Variants in PGBD2 observed in about 807,000 individuals in gnomAD.
The protein encoded by PGBD2 is piggyBac transposable element-derived protein 2.
In PGBD2, 6 loss-of-function variants were observed where a neutral mutation model predicts 8.1. The observed-to-expected ratio is 0.74, with a 90% CI of 0.40 to 1.46. The LOEUF (loss-of-function observed/expected upper bound fraction) is 1.46. Among genes scored for constraint, PGBD2 ranks in the 40% most tolerant of loss-of-function variants. The pLI, the probability that PGBD2 is intolerant of heterozygous loss-of-function variation, is 0.02. For synonymous variants in PGBD2, 318 were observed against 272.2 expected, an observed-to-expected ratio of 1.17 and a Z score of -1.66; for missense variants, 802 against 739.0, an observed-to-expected ratio of 1.09 and a Z score of -0.99.
chr1:248,928,795 ACTT>A, the PGBD2 span, among the ~76,000 whole-genome samples: 2 of 152,182 alleles, frequency 1.3e-5, no homozygotes, highest in African/African-American at 4.8e-5. Context: ...AGAATCCCAG[ACTT>A]CTTAGAGAAC....
At chr1:248,914,229 T>C (rs1662012742) in intron 2 of PGBD2, among the ~76,000 whole-genome samples, 4 of 152,004 alleles carry the variant, frequency 2.6e-5, no homozygotes, top group African/African-American at 9.7e-5. Flanking sequence ...TGTGCAGAAG[T>C]TGTTTGAGAG....
chr1:248,879,033 G>A, the PGBD2 span, among the ~76,000 whole-genome samples: 2 of 152,204 alleles, frequency 1.3e-5, no homozygotes, highest in South Asian at 4.1e-4. Context: ...TTAGCTATAT[G>A]CCTTTTAAAT....
chr1:248,879,816 T>C, the PGBD2 span, among the ~76,000 whole-genome samples: 7 of 152,210 alleles, frequency 4.6e-5, no homozygotes, highest in Non-Finnish European at 1.0e-4. Context: ...AATTTTAAAA[T>C]TATTTTGTTT....
intron 2 of PGBD2, among the ~76,000 whole-genome samples, chr1:248,916,232 T>C (rs1662091664): frequency 6.6e-6 from 1 of 151,944 alleles, no homozygotes. Context: ...ACTAACACGG[T>C]GAAACCCCAT....
In PGBD2 at chr1:248,917,635, G is replaced by C; in HGVS notation, c.1051G>C (p.Asp351His). 1.2e-6 allele frequency: 2 copies of C among 1,614,140 alleles called. No individual in the cohort carries two copies. The highest frequency in any genetic ancestry group is 1.7e-6 in the Non-Finnish European group (2 of 1,180,026). ...RGFLPYHIFF[D>H]KVFTSVKLMS... is the part of the protein sequence containing the mutation. ...TTTTCTGCCATATCACATATTTTTT[G>C]ACAAGGTTTTCACAAGTGTTAAACT... The change falls in exon 3 of 3, where the codon GAC becomes CAC. Residue 351 changes from aspartate to histidine, a missense_variant. By Grantham distance (81) the Asp-to-His change is moderately conservative. Transcript: ENST00000329291.
At chr1:248,887,027 A>T in the PGBD2 span, among the ~76,000 whole-genome samples, 25 of 152,314 alleles carry the variant, frequency 1.6e-4, no homozygotes, top group Middle Eastern at 3.4e-3. Context: ...GTTTTTATGC[A>T]TGCATATGTA....
At chr1:248,885,308 AT>A in the PGBD2 span, among the ~76,000 whole-genome samples, 229 of 142,558 alleles carry the variant, frequency 1.6e-3, no homozygotes, top group African/African-American at 2.5e-3. Context: ...CTACTTTTTA[AT>A]TTTTTTTTTT....
chr1:248,911,584 C>T (rs2103107845), intron 1 of PGBD2, among the ~76,000 whole-genome samples: 2 of 145,788 alleles, frequency 1.4e-5, no homozygotes, highest in East Asian at 3.9e-4. Flanking sequence ...CTTTTCTATT[C>T]CACAAAGCCG....
intron 1 of PGBD2, among the ~76,000 whole-genome samples, chr1:248,908,906 G>T (rs151064891): frequency 2.0e-5 from 3 of 151,938 alleles, no homozygotes; most frequent in Non-Finnish European, 2.9e-5. Flanking sequence ...CCATCATTTT[G>T]TCTTTTCCTC....
At chr1:248,893,452 T>G in the PGBD2 span, among the ~76,000 whole-genome samples, 1 of 152,246 alleles carries the variant, frequency 6.6e-6, no homozygotes, top group African/African-American at 2.4e-5. Flanking sequence ...AAATACCTCA[T>G]ATAAGAGGAA....
the PGBD2 span, among the ~76,000 whole-genome samples, chr1:248,888,924 T>C: frequency 6.6e-6 from 1 of 152,166 alleles, no homozygotes; most frequent in Admixed American, 6.5e-5. Flanking sequence ...TGCTGAGAAG[T>C]AGGAGTCTAA....
chr1:248,902,033 C>T (rs1200433088), upstream of PGBD2, among the ~76,000 whole-genome samples: 2 of 152,132 alleles, frequency 1.3e-5, no homozygotes, highest in African/African-American at 4.8e-5. Context: ...TTTTCAGAGG[C>T]CAAGGCAAGC....
At chr1:248,907,056 T>A (rs546635945) in intron 1 of PGBD2, among the ~76,000 whole-genome samples, 40 of 152,126 alleles carry the variant, frequency 2.6e-4, no homozygotes, top group Non-Finnish European at 4.6e-4. Context: ...TACCAAGGAC[T>A]TGCACCAGCA....
chr1:248,926,405 A>G, the PGBD2 span, among the ~76,000 whole-genome samples: 1 of 152,154 alleles, frequency 6.6e-6, no homozygotes, highest in African/African-American at 2.4e-5. Context: ...GTGTCTCCTT[A>G]TGGAAAGGTA....
intron 1 of PGBD2, among the ~76,000 whole-genome samples, chr1:248,907,609 A>G (rs116788584): frequency 2.7e-3 from 408 of 152,240 alleles, no homozygotes; most frequent in African/African-American, 9.4e-3. Flanking sequence ...TTCATGGTGC[A>G]TTGCGCCCCT....
the PGBD2 span, among the ~76,000 whole-genome samples, chr1:248,925,757 A>G: frequency 1.3e-5 from 2 of 152,088 alleles, no homozygotes; most frequent in African/African-American, 4.8e-5. Flanking sequence ...AATTGGAGCT[A>G]AGAGGAAACA....
At chr1:248,928,522 TC>T in the PGBD2 span, among the ~76,000 whole-genome samples, 1 of 152,230 alleles carries the variant, frequency 6.6e-6, no homozygotes, top group Non-Finnish European at 1.5e-5. Flanking sequence ...TTTACATCCA[TC>T]ATTTTTCACT....
At chr1:248,887,370 T>G in the PGBD2 span, among the ~76,000 whole-genome samples, 5 of 152,168 alleles carry the variant, frequency 3.3e-5, no homozygotes, top group Admixed American at 2.6e-4. Context: ...CCTGGACGCT[T>G]TTTAGGAGTT....
chr1:248,874,748 C>T, the PGBD2 span, among the ~76,000 whole-genome samples: 2 of 152,106 alleles, frequency 1.3e-5, no homozygotes, highest in Non-Finnish European at 2.9e-5. Context: ...CTCCCTCACC[C>T]CAGCATCTAT....
Sources: allele counts gnomAD v4.1 joint callset (sites outside exome capture counted in the v4.1 genomes callset), GRCh38; gene constraint gnomAD v4.1.1; transcripts MANE v1.5; gene names NCBI Gene and HGNC (gene_info 2026-07-23, HGNC 2026-07-21).